The following GSN variants were observed in gnomAD, a reference collection of about 807,000 sequenced individuals.
GSN encodes the protein actin-depolymerizing factor.
GSN carries 56 observed loss-of-function variants against 85.7 expected under a neutral mutation model. That is an observed-to-expected ratio of 0.65 (90% confidence interval 0.53 to 0.82). The LOEUF is 0.82. Ranked by LOEUF, GSN falls within the 40% of genes least tolerant of loss-of-function variation. GSN has a pLI of 0.00. For missense variants in GSN, 857 were observed against 979.8 expected (o/e 0.87, Z 1.67); for synonymous variants, 373 against 399.1 (o/e 0.93, Z 0.78).
rs865879787 is a variant in GSN at position 121,236,975 on chromosome 9, A to G, written c.-389+5672A>G. Among the ~76,000 whole-genome samples, 53 of 152,372 alleles carry G rather than the reference A, an allele frequency of 3.5e-4. 1 individual carries two copies. The highest frequency in any genetic ancestry group is 9.9e-4 in the African/African-American group (41 of 41,602). On this transcript the variant is annotated intron_variant, in intron 5 of 24. Transcript: ENST00000373823. ...AACCACTGTTCACATGTCAGAATGT[A>G]GAATGGCTATAGGTTTTTCTTTCTT...
intron 5 of GSN, among the ~76,000 whole-genome samples, chr9:121,240,986 T>G (rs1313285142): frequency 6.6e-6 from 1 of 152,212 alleles, no homozygotes; most frequent in Admixed American, 6.5e-5. Context: ...GCAGATGGTA[T>G]AATTCCATCT....
chr9:121,310,282 G>A, intron 4 of GSN: 1 of 300,414 alleles, frequency 3.3e-6, no homozygotes. Flanking sequence ...TTTCCTTGCA[G>A]AATGTCTTAG....
intron 10 of GSN, among the ~76,000 whole-genome samples, chr9:121,320,511 G>A (rs1206161156): frequency 1.3e-5 from 2 of 152,132 alleles, no homozygotes; most frequent in African/African-American, 4.8e-5. Flanking sequence ...TGGCCATGGT[G>A]GCAGGCACCT....
In GSN at chr9:121,326,613, G is replaced by A. The variant is rs753910742; in HGVS notation, c.1518G>A (p.Gln506=). The A allele has an allele frequency of 1.9e-6, 3 of 1,605,352 alleles. No individual in the cohort carries two copies. Among genetic ancestry groups the A allele is most frequent in the South Asian group, 1.1e-5 (1 of 90,392 alleles). Reference sequence around the variant, plus strand: ...GCGGCACCTCCCGCGAGGGCGGGCAGACAGCCCCTGCCAGCACCCGCCTCT... The same window carrying A: ...GCGGCACCTCCCGCGAGGGCGGGCAAACAGCCCCTGCCAGCACCCGCCTCT... ...YKGGTSREGG[Q]TAPASTRLFQ... is the part of the protein sequence containing the mutation. Residue 506 remains glutamine, a synonymous_variant, in exon 13 of 18, where the codon CAG becomes CAA. Transcript: ENST00000432226.
chr9:121,229,033 A>C (rs1351165930), intron 4 of GSN, among the ~76,000 whole-genome samples: 1 of 152,174 alleles, frequency 6.6e-6, no homozygotes, highest in Non-Finnish European at 1.5e-5. Flanking sequence ...CATAAGACAC[A>C]AAAGTAGTGT....
intron 4 of GSN, among the ~76,000 whole-genome samples, chr9:121,304,413 C>G (rs1347749260): frequency 6.6e-6 from 1 of 152,210 alleles, no homozygotes; most frequent in African/African-American, 2.4e-5. Context: ...AGTTTGGGAG[C>G]CAGTCCCCTG....
At chr9:121,323,647 G>A (rs1328344276) in intron 11 of GSN, among the ~76,000 whole-genome samples, 2 of 152,206 alleles carry the variant, frequency 1.3e-5, no homozygotes, top group Admixed American at 1.3e-4. Context: ...TGGGATGACA[G>A]GCATGAGCCA....
At chr9:121,290,772 G>A (rs1330309159) in intron 2 of GSN, among the ~76,000 whole-genome samples, 1 of 152,170 alleles carries the variant, frequency 6.6e-6, no homozygotes, top group Non-Finnish European at 1.5e-5. Context: ...CCAAAATACA[G>A]TACAACTTAT....
intron 5 of GSN, among the ~76,000 whole-genome samples, chr9:121,234,898 G>T (rs530060637): frequency 2.6e-5 from 4 of 152,302 alleles, no homozygotes; most frequent in African/African-American, 9.6e-5. Context: ...ACATTGCCAT[G>T]AGAACAATTT....
chr9:121,321,719 A>T (rs1003340221), intron 11 of GSN, among the ~76,000 whole-genome samples: 5 of 146,094 alleles, frequency 3.4e-5, no homozygotes, highest in South Asian at 2.1e-4. Flanking sequence ...AAATTTTTTT[A>T]AATTTATATT....
In GSN at chr9:121,310,571, A is replaced by G. The variant is rs558744967; in HGVS notation, c.352-113A>G. On this transcript the variant is annotated intron_variant, in intron 4 of 17. Transcript: ENST00000432226. ...AACTGAGAATCACTGTGTTGCTGGA[A>G]AGCCCCTGGTCCACAAGCCAGAATT... 2.5e-5 allele frequency: 23 copies of G among 910,930 alleles called. No individual in the cohort carries two copies. The East Asian group carries it at 5.5e-4, about 22-fold the overall frequency. The allele number at this position is 910,930 out of a possible 1,614,324, so 56.4% of individuals were successfully genotyped here.
intron 3 of GSN, among the ~76,000 whole-genome samples, chr9:121,302,546 C>G (rs1337947955): frequency 6.6e-6 from 1 of 152,130 alleles, no homozygotes; most frequent in African/African-American, 2.4e-5. Flanking sequence ...CCAGTTTGCC[C>G]TTGAGTCAGG....
chr9:121,228,425 T>TATATATATATATATATATA lies in GSN; in HGVS notation c.-527-2740_-527-2739insATATATATATATATATATA, dbSNP rs1491358330. Among the ~76,000 whole-genome samples the TATATATATATATATATATA allele has an allele frequency of 1.1e-3, 22 of 19,410 alleles. 1 individual carries two copies. Among genetic ancestry groups the TATATATATATATATATATA allele is most frequent in the East Asian group, 2.2e-3 (1 of 456 alleles). 12.7% of individuals were successfully genotyped at this position (19,410 alleles called of 152,430 possible). A position where few individuals can be genotyped will look rare whatever the true frequency, so the allele number is the denominator to read the frequency against. On this transcript the variant is annotated intron_variant, in intron 4 of 24. Transcript: ENST00000373823. ...TAACATATATATATATATATATATA[T>TATATATATATATATATATA]TTTTTTTTTTTTTTTTTTTTTTTTT...
chr9:121,222,894 TG>T (rs58009528), intron 4 of GSN: 2,584 of 150,374 alleles, frequency 0.017, 72 homozygotes, highest in African/African-American at 0.06. Context: ...ACCTTGGACT[TG>T]GGGGGGGGTC....
upstream of GSN, among the ~76,000 whole-genome samples, chr9:121,203,790 TG>T (rs1315962733): frequency 2.0e-5 from 3 of 152,236 alleles, no homozygotes; most frequent in African/African-American, 7.2e-5. Flanking sequence ...AATAGGTCTT[TG>T]TGAAAATTAA....
chr9:121,263,707 A>G (rs2055135121), upstream of GSN, among the ~76,000 whole-genome samples: 1 of 152,040 alleles, frequency 6.6e-6, no homozygotes, highest in African/African-American at 2.4e-5. Flanking sequence ...CCTGACCAAT[A>G]TGGAGAAACC....
intron 4 of GSN, among the ~76,000 whole-genome samples, chr9:121,211,155 G>A (rs2053962098): frequency 6.6e-6 from 1 of 152,172 alleles, no homozygotes; most frequent in South Asian, 2.1e-4. Flanking sequence ...TTGGAAGGTG[G>A]TTCCCCTGGG....
chr9:121,322,094 CA>C (rs2062543676), intron 11 of GSN, among the ~76,000 whole-genome samples: 1 of 152,258 alleles, frequency 6.6e-6, no homozygotes, highest in Admixed American at 6.5e-5. Context: ...AAAATCAAAA[CA>C]GAATATAAAG....
At chr9:121,295,253 C>T (rs962126940) in intron 2 of GSN, among the ~76,000 whole-genome samples, 8 of 152,196 alleles carry the variant, frequency 5.3e-5, no homozygotes, top group African/African-American at 1.2e-4. Flanking sequence ...AGTCCAGATT[C>T]GCAAACCTGT....
Sources: allele counts gnomAD v4.1 joint callset (sites outside exome capture counted in the v4.1 genomes callset), GRCh38; gene constraint gnomAD v4.1.1; transcripts MANE v1.5; gene names NCBI Gene and HGNC (gene_info 2026-07-23, HGNC 2026-07-21).